The following ABCB9 variants were observed in gnomAD, a reference collection of about 807,000 sequenced individuals.
The protein encoded by ABCB9 is ATP binding cassette subfamily B member 9, also known as ABC-type oligopeptide transporter ABCB9.
Under a neutral mutation model 62.0 loss-of-function variants are expected in ABCB9, and 36 were observed. The observed-to-expected ratio is 0.58, with a 90% CI of 0.45 to 0.77. The LOEUF (loss-of-function observed/expected upper bound fraction) is 0.77. ABCB9 is among the 30% of genes least tolerant of loss of function. ABCB9 has a pLI of 0.00. For missense variants in ABCB9, 943 were observed against 1,054.7 expected, an observed-to-expected ratio of 0.89 and a Z score of 1.47; for synonymous variants, 435 against 461.4, an observed-to-expected ratio of 0.94 and a Z score of 0.73.
chr12:122,937,273 C>T (rs1047194166), intron 9 of ABCB9, among the ~76,000 whole-genome samples: 2 of 151,362 alleles, frequency 1.3e-5, no homozygotes, highest in Non-Finnish European at 2.9e-5. Context: ...GCAGGAGAAT[C>T]GCTTGAACCC....
At chr12:122,946,275 G>A (rs781264658) in intron 5 of ABCB9, 53 bp from the exon 6 acceptor site, 407 of 1,594,734 alleles carry the variant, frequency 2.6e-4, no homozygotes, top group Non-Finnish European at 3.2e-4. Flanking sequence ...GCCTCACTAT[G>A]TACTGGAGCC....
At chr12:122,934,725 T>C (rs1456721708) in intron 10 of ABCB9, among the ~76,000 whole-genome samples, 1 of 151,864 alleles carries the variant, frequency 6.6e-6, no homozygotes, top group Non-Finnish European at 1.5e-5. Context: ...AGTTCCCTCC[T>C]GCTCCCACCA....
intron 1 of ABCB9, among the ~76,000 whole-genome samples, chr12:122,965,579 G>GGAGAGGCA (rs1262884728): frequency 2.0e-5 from 3 of 152,208 alleles, no homozygotes; most frequent in Non-Finnish European, 4.4e-5. Flanking sequence ...CTCAGCTCTA[G>GGAGAGGCA]GAGAGGCAGA....
At chr12:122,971,851 G>A (rs897196306) in intron 1 of ABCB9, among the ~76,000 whole-genome samples, 15 of 151,984 alleles carry the variant, frequency 9.9e-5, no homozygotes, top group African/African-American at 2.7e-4. Flanking sequence ...GTACTGGCTC[G>A]TGTGGGATGG....
At position 122,973,578 on chromosome 12, in the gene ABCB9, G is replaced by GAAAAAAAAAAA. The variant is rs57853191; in HGVS notation, c.-88+1126_-88+1136dup. Among the ~76,000 whole-genome samples the GAAAAAAAAAAA allele has an allele frequency of 9.3e-4, 47 of 50,346 alleles. 2 individuals are homozygous for GAAAAAAAAAAA. Among genetic ancestry groups the GAAAAAAAAAAA allele is most frequent in the Admixed American group, 1.3e-3 (4 of 3,110 alleles). The allele number at this position is 50,346 out of a possible 152,430, so 33.0% of individuals were successfully genotyped here. The stretch of plus-strand genomic sequence containing the variant: ...AGAGCGAGACTCCGTCTCAAAAAAA[G>GAAAAAAAAAAA]AAAAAAAAAAAAAAAAAAAAAAAAA... On this transcript the variant is annotated intron_variant, in intron 1 of 11. Transcript: ENST00000392439.
chr12:122,921,362 C>A (rs2034742125), intron 11 of ABCB9, among the ~76,000 whole-genome samples: 1 of 151,982 alleles, frequency 6.6e-6, no homozygotes, highest in South Asian at 2.1e-4. Flanking sequence ...CTGAAGTGAG[C>A]TATGATGGCA....
chr12:122,926,388 C>T (rs1340851671), downstream of ABCB9, among the ~76,000 whole-genome samples: 1 of 151,014 alleles, frequency 6.6e-6, no homozygotes, highest in Non-Finnish European at 1.5e-5. Context: ...CTACTAAAAA[C>T]ACAAAAAAAT....
chr12:122,951,278 C>T (rs1389314527), intron 2 of ABCB9, among the ~76,000 whole-genome samples: 2 of 140,776 alleles, frequency 1.4e-5, no homozygotes, highest in Admixed American at 1.4e-4. Context: ...GACAGGGTTT[C>T]ACTCCTGTCG....
intron 1 of ABCB9, among the ~76,000 whole-genome samples, chr12:122,972,037 C>CTTTTTTTTTTTTTTTTT (rs57112984): frequency 4.0e-5 from 4 of 99,270 alleles, no homozygotes; most frequent in African/African-American, 8.2e-5. Context: ...TTCATAATGT[C>CTTTTTTTTTTTTTTTTT]TTTTTTTTTT....
intron 7 of ABCB9, among the ~76,000 whole-genome samples, chr12:122,942,695 T>C (rs2035832499): frequency 6.7e-6 from 1 of 149,516 alleles, no homozygotes; most frequent in Admixed American, 6.7e-5. Context: ...CCCCAGCTAC[T>C]CAAGTGGCTA....
intron 11 of ABCB9, among the ~76,000 whole-genome samples, chr12:122,922,405 A>G (rs556904171): frequency 1.0e-3 from 152 of 152,036 alleles, no homozygotes; most frequent in African/African-American, 3.5e-3. Flanking sequence ...TTTGAGATGG[A>G]GTCTCACTCT....
At chr12:122,922,047 G>A (rs895405400) in intron 11 of ABCB9, among the ~76,000 whole-genome samples, 3 of 152,006 alleles carry the variant, frequency 2.0e-5, no homozygotes, top group East Asian at 1.9e-4. Context: ...CCGGCCGGCC[G>A]CTCAGGTCTG....
At chr12:122,963,376 G>T (rs184853396) in intron 1 of ABCB9, among the ~76,000 whole-genome samples, 1 of 152,300 alleles carries the variant, frequency 6.6e-6, no homozygotes, top group African/African-American at 2.4e-5. Context: ...GACTGCTGAG[G>T]CTAATTGCTG....
At chr12:122,948,932 C>T in intron 4 of ABCB9, 103 bp from the exon 5 acceptor site, 1 of 991,588 alleles carries the variant, frequency 1.0e-6, no homozygotes, top group Non-Finnish European at 1.4e-6. Flanking sequence ...GAAGCCGGGC[C>T]TCCCTACCTG....
chr12:122,949,702 C>T (rs1181309108), intron 4 of ABCB9, 86 bp downstream of exon 4: 2 of 1,544,098 alleles, frequency 1.3e-6, no homozygotes, highest in East Asian at 2.3e-5. Context: ...AGACCACCCA[C>T]ACGCCCATTT....
At chr12:122,941,100 CGG>C in intron 7 of ABCB9, 105 bp from the exon 8 acceptor site, 2 of 1,315,462 alleles carry the variant, frequency 1.5e-6, no homozygotes, top group African/African-American at 3.0e-5. Flanking sequence ...GGAGTTCTGG[CGG>C]GGAGATGCAG....
rs757558895 is a variant in ABCB9, at chr12:122,930,052, C to T, written c.2160G>A (p.Gln720=). The T allele has an allele frequency of 1.1e-5, 17 of 1,569,918 alleles. No individual in the cohort carries two copies. The highest frequency in any genetic ancestry group is 3.8e-5 in the Admixed American group (2 of 52,856). ...IVVLDKGRVV[Q]QGTHQQLLAQ... ...CCAGCAGCTGCTGGTGGGTGCCCTGCTGCACTACGCGGCCCTTGTCCAGCA... is the reference window on the plus strand; with the variant it reads ...CCAGCAGCTGCTGGTGGGTGCCCTGTTGCACTACGCGGCCCTTGTCCAGCA... The change falls in exon 12 of 12, where the codon CAG becomes CAA. Residue 720 remains glutamine (Q), a synonymous_variant. Transcript: ENST00000280560. This position sits in a 1 kb window ranked among gnomAD's most constrained non-coding sequence, Gnocchi z 4.9.
chr12:122,956,797 GGCATGAGCCA>G (rs1384652321), intron 2 of ABCB9, among the ~76,000 whole-genome samples: 1 of 152,114 alleles, frequency 6.6e-6, no homozygotes, highest in African/African-American at 2.4e-5. Flanking sequence ...TGGGATTATA[GGCATGAGCCA>G]CTGTGCCCGG....
downstream of ABCB9, among the ~76,000 whole-genome samples, chr12:122,919,743 C>T (rs1228536398): frequency 2.0e-5 from 3 of 152,128 alleles, no homozygotes; most frequent in East Asian, 1.9e-4. Flanking sequence ...TTCTGGTAGA[C>T]GGAGGTTCTC....
Sources: allele counts gnomAD v4.1 joint callset (sites outside exome capture counted in the v4.1 genomes callset), GRCh38; gene constraint gnomAD v4.1.1; non-coding constraint Gnocchi (gnomAD v3.1); transcripts MANE v1.5; gene names NCBI Gene and HGNC (gene_info 2026-07-23, HGNC 2026-07-21).